The following PANX1 variants were observed in gnomAD, a reference collection of about 807,000 sequenced individuals.
PANX1 encodes pannexin-1.
In PANX1, 30 loss-of-function variants were observed where a neutral mutation model predicts 38.7. The ratio of observed to expected loss-of-function variants is 0.78; its 90% CI spans 0.58 to 1.05. The LOEUF (loss-of-function observed/expected upper bound fraction) is 1.05, where lower values mean the gene tolerates loss of function less well. PANX1 is among the 50% of genes least tolerant of loss of function. PANX1 has a pLI of 0.00. For synonymous variants in PANX1, 230 were observed against 212.2 expected (o/e 1.08, Z -0.73); for missense variants, 551 against 517.2 (o/e 1.07, Z -0.63).
chr11:94,154,829 G>T (rs1271861289), intron 2 of PANX1, among the ~76,000 whole-genome samples: 1 of 152,110 alleles, frequency 6.6e-6, no homozygotes, highest in Non-Finnish European at 1.5e-5. Flanking sequence ...TATGCTATAT[G>T]TATTATATAC....
intron 1 of PANX1, among the ~76,000 whole-genome samples, chr11:94,136,808 A>G (rs7925027): frequency 0.07 from 10,601 of 152,184 alleles, 1,027 homozygotes; most frequent in African/African-American, 0.22. Context: ...AGTATTAGGC[A>G]GCTCTCACAT....
intron 2 of PANX1, among the ~76,000 whole-genome samples, chr11:94,156,375 A>G (rs1946948731): frequency 6.6e-6 from 1 of 152,226 alleles, no homozygotes; most frequent in Non-Finnish European, 1.5e-5. Context: ...ATGGAGGTTT[A>G]TCTAAGTTTC....
intron 2 of PANX1, among the ~76,000 whole-genome samples, chr11:94,156,779 G>A (rs1946953575): frequency 6.6e-6 from 1 of 150,622 alleles, no homozygotes; most frequent in Non-Finnish European, 1.5e-5. Context: ...ACAACATGCA[G>A]GTTTGTTACA....
At chr11:94,142,253 C>T (rs748784907) in intron 1 of PANX1, among the ~76,000 whole-genome samples, 5 of 152,320 alleles carry the variant, frequency 3.3e-5, no homozygotes, top group Non-Finnish European at 5.9e-5. Flanking sequence ...TTAAGCGCCA[C>T]CACCAACCTC....
Position 94,129,342 on chromosome 11 carries a change from C to T in PANX1, c.30C>T (p.Tyr10=). The T allele has an allele frequency of 6.2e-7, 1 of 1,613,700 alleles. No homozygotes were observed. The highest frequency in any genetic ancestry group is 8.5e-7 in the Non-Finnish European group (1 of 1,179,728). MAIAQLATE[Y]VFSDFLLKEP... is the part of the protein sequence containing the mutation. ...CCATCGCTCAACTGGCCACGGAGTA[C>T]GTGTTCTCGGATTTCTTGCTGAAGG... The change falls in exon 1 of 5, where the codon TAC becomes TAT. Residue 10 remains tyrosine, a synonymous_variant. Coordinates refer to ENST00000227638, the MANE Select transcript of PANX1 (RefSeq NM_015368.4).
intron 1 of PANX1, among the ~76,000 whole-genome samples, chr11:94,146,525 T>A (rs1213859394): frequency 3.3e-5 from 5 of 152,288 alleles, no homozygotes; most frequent in African/African-American, 1.2e-4. Context: ...CTTGACTAAG[T>A]GCCCACCATA....
intron 2 of PANX1, among the ~76,000 whole-genome samples, chr11:94,176,969 T>C (rs1197659694): frequency 6.6e-6 from 1 of 151,700 alleles, no homozygotes; most frequent in East Asian, 1.9e-4. Flanking sequence ...GCTAATCTTT[T>C]TGTGGTTACC....
intron 2 of PANX1, among the ~76,000 whole-genome samples, chr11:94,165,424 A>C (rs1353386193): frequency 1.3e-5 from 2 of 152,060 alleles, no homozygotes; most frequent in Non-Finnish European, 2.9e-5. Flanking sequence ...GAGCAAAATA[A>C]CCAGCTAACA....
At chr11:94,161,664 G>A (rs1332046643) in intron 2 of PANX1, among the ~76,000 whole-genome samples, 1 of 151,964 alleles carries the variant, frequency 6.6e-6, no homozygotes, top group Non-Finnish European at 1.5e-5. Context: ...CCATTGGTTC[G>A]AACTTCCTCC....
Position 94,159,625 on chromosome 11 carries a change from T to C in PANX1, c.321+5995T>C, listed in dbSNP as rs1360073154. ...TCTATTTGATTCTTCTCTCTTTTCT[T>C]TATTAGTCTTGCTAGCGGTCTATCA... On this transcript the variant is annotated intron_variant, in intron 2 of 4. Coordinates refer to ENST00000227638, the MANE Select transcript of PANX1 (RefSeq NM_015368.4). Among the ~76,000 whole-genome samples, 6 of 152,168 alleles carry C rather than the reference T, an allele frequency of 3.9e-5. No individual in the cohort carries two copies. In the East Asian group the frequency reaches 1.2e-3, roughly 29 times the overall value.
In PANX1 at chr11:94,153,570, T is replaced by C. The variant is rs1473435201; in HGVS notation, c.261T>C (p.Ala87=). ...TTGTGGATTCATATTGCTGGGCGGC[T>C]GTTCAGCAGAAGAACTCACTGCAGA... ...AAFVDSYCWA[A]VQQKNSLQSE... Residue 87 remains alanine (A), a synonymous_variant, in exon 2 of 5, where the codon GCT becomes GCC. Coordinates refer to ENST00000227638, the MANE Select transcript of PANX1 (RefSeq NM_015368.4). 15 of 1,613,942 alleles carry C rather than the reference T, an allele frequency of 9.3e-6. No individual in the cohort carries two copies. In the African/African-American group the frequency reaches 1.5e-4, roughly 16 times the overall value.
Position 94,180,823 on chromosome 11 carries a change from A to T in PANX1, c.1235A>T (p.Asn412Ile). ...MNIDSETKANNGEKNARQRLL... is the reference protein window; with the variant it reads ...MNIDSETKANIGEKNARQRLL... ...ATAGACAGTGAAACTAAAGCAAATAATGGAGAGAAGAATGCCCGACAGAGA... is the reference window on the plus strand; with the variant it reads ...ATAGACAGTGAAACTAAAGCAAATATTGGAGAGAAGAATGCCCGACAGAGA... Residue 412 changes from asparagine to isoleucine, a missense_variant, in exon 5 of 5, where the codon AAT (asparagine) becomes ATT (isoleucine). Physicochemically the swap from Asn to Ile is moderately radical, Grantham distance 149. Coordinates refer to ENST00000227638, the MANE Select transcript of PANX1 (RefSeq NM_015368.4). 6.3e-7 allele frequency: 1 copy of T among 1,588,958 alleles called. No individual in the cohort carries two copies. Among genetic ancestry groups the T allele is most frequent in the Non-Finnish European group, 8.6e-7 (1 of 1,157,042 alleles).
intron 1 of PANX1, among the ~76,000 whole-genome samples, chr11:94,131,015 G>A (rs1204651916): frequency 6.6e-6 from 1 of 152,214 alleles, no homozygotes; most frequent in African/African-American, 2.4e-5. Flanking sequence ...GTGGATTGAG[G>A]CTTCCAGCTG....
intron 1 of PANX1, among the ~76,000 whole-genome samples, chr11:94,152,153 A>C (rs2134492432): frequency 6.6e-6 from 1 of 152,316 alleles, no homozygotes. Flanking sequence ...GGCACATCCC[A>C]GTCTTTAAGG....
chr11:94,174,804 G>A (rs375146402), intron 2 of PANX1, among the ~76,000 whole-genome samples: 11 of 151,836 alleles, frequency 7.2e-5, no homozygotes, highest in East Asian at 1.9e-4. Context: ...CTTTGCCTTC[G>A]ATGAGGTAGA....
intron 1 of PANX1, among the ~76,000 whole-genome samples, chr11:94,132,031 G>T (rs1356393983): frequency 8.5e-5 from 13 of 152,140 alleles, no homozygotes; most frequent in Admixed American, 7.9e-4. Context: ...TCCCTCTCTG[G>T]TGCTTGGAAT....
chr11:94,160,090 A>G (rs1947005544), intron 2 of PANX1, among the ~76,000 whole-genome samples: 1 of 152,046 alleles, frequency 6.6e-6, no homozygotes, highest in African/African-American at 2.4e-5. Flanking sequence ...GTGGTCTGAG[A>G]GACAGTTTGT....
At chr11:94,135,247 A>G (rs1946675077) in intron 1 of PANX1, among the ~76,000 whole-genome samples, 1 of 152,184 alleles carries the variant, frequency 6.6e-6, no homozygotes, top group Admixed American at 6.5e-5. Flanking sequence ...CTGGGTAGAG[A>G]AGGACTTAGT....
Position 94,129,034 on chromosome 11 carries a change from C to T in PANX1, c.-279C>T, listed in dbSNP as rs1037241075. On this transcript the variant is annotated 5_prime_UTR_variant, in exon 1 of 5. Transcript: ENST00000227638. ...GCGAATCCGAGTGCCGCGCGCGGCC[C>T]GGGGACTTGCACGGGCGTGCGGGGT... is the stretch of plus-strand genomic sequence containing the variant. 1.1e-5 allele frequency: 3 copies of T among 285,486 alleles called. No individual in the cohort carries two copies. Among genetic ancestry groups the T allele is most frequent in the Non-Finnish European group, 1.9e-5 (3 of 154,118 alleles). The allele number at this position is 285,486 out of a possible 1,614,324, so 17.7% of individuals were successfully genotyped here.
Sources: gnomAD v4.1 joint callset for allele counts (sites outside exome capture counted in the v4.1 genomes callset) on GRCh38, gnomAD v4.1.1 for gene constraint, MANE v1.5 for transcripts, NCBI Gene and HGNC (gene_info 2026-07-23, HGNC 2026-07-21) for gene names.